EDARADD: variants seen among roughly 807,000 people sequenced by gnomAD.
EDARADD encodes the protein EDAR associated via death domain.
Under a neutral mutation model 25.6 loss-of-function variants are expected in EDARADD, and 20 were observed. The ratio of observed to expected loss-of-function variants is 0.78; its 90% CI spans 0.55 to 1.14. The LOEUF is 1.14. Ranked by LOEUF, EDARADD falls within the 50% of genes most tolerant of loss-of-function variation. EDARADD has a pLI of 0.00. For synonymous variants in EDARADD, 86 were observed against 94.4 expected (o/e 0.91, Z 0.52); for missense variants, 225 against 270.1 (o/e 0.83, Z 1.17).
chr1:236,467,754 C>T (rs1435625674), intron 4 of EDARADD, among the ~76,000 whole-genome samples: 1 of 151,580 alleles, frequency 6.6e-6, no homozygotes, highest in Non-Finnish European at 1.5e-5. Flanking sequence ...TTGTTGCATG[C>T]ATTGATACCC....
At chr1:236,376,862 C>T (rs1667231102) in intron 3 of EDARADD, among the ~76,000 whole-genome samples, 1 of 151,956 alleles carries the variant, frequency 6.6e-6, no homozygotes, top group Non-Finnish European at 1.5e-5. Flanking sequence ...TTTTTCCAAT[C>T]TTTTTTCTCT....
chr1:236,458,911 G>A (rs976771681), intron 4 of EDARADD, among the ~76,000 whole-genome samples: 4 of 151,814 alleles, frequency 2.6e-5, no homozygotes, highest in African/African-American at 9.7e-5. Flanking sequence ...CAAAATGCTG[G>A]GATTACAGCC....
At chr1:236,405,904 T>TCTTC (rs1667722420) in intron 1 of EDARADD, among the ~76,000 whole-genome samples, 1 of 50,750 alleles carries the variant, frequency 2.0e-5, no homozygotes, top group Non-Finnish European at 4.7e-5. Context: ...TTTCTTTCTT[T>TCTTC]CTTTCTTTCT....
chr1:236,391,731 G>C (rs944975175), upstream of EDARADD, among the ~76,000 whole-genome samples: 23 of 152,154 alleles, frequency 1.5e-4, no homozygotes, highest in Non-Finnish European at 2.9e-4. Flanking sequence ...CATGTATTCT[G>C]TGATGAATCA....
At chr1:236,472,799 A>G (rs1659392320) in intron 5 of EDARADD, among the ~76,000 whole-genome samples, 2 of 152,158 alleles carry the variant, frequency 1.3e-5, no homozygotes, top group South Asian at 4.1e-4. Flanking sequence ...GGAGAGTGAG[A>G]CAGGGGCTTA....
At chr1:236,478,352 T>TA (rs1659565340) in intron 5 of EDARADD, among the ~76,000 whole-genome samples, 2 of 128,364 alleles carry the variant, frequency 1.6e-5, no homozygotes, top group East Asian at 4.3e-4. Context: ...CCAAAATCCA[T>TA]ATATATATGT....
At chr1:236,415,633 C>T (rs1247936478) in intron 3 of EDARADD, among the ~76,000 whole-genome samples, 4 of 152,170 alleles carry the variant, frequency 2.6e-5, no homozygotes, top group South Asian at 2.1e-4. Flanking sequence ...TTAGTAGAGG[C>T]GGGGTTTCAC....
chr1:236,417,869 TTTTC>T (rs1657678983), intron 3 of EDARADD, among the ~76,000 whole-genome samples: 1 of 152,150 alleles, frequency 6.6e-6, no homozygotes, highest in South Asian at 2.1e-4. Context: ...GTCCCTGCTC[TTTTC>T]TTTGATTATT....
intron 2 of EDARADD, among the ~76,000 whole-genome samples, chr1:236,412,843 G>A (rs1213446958): frequency 6.6e-6 from 1 of 152,178 alleles, no homozygotes; most frequent in Non-Finnish European, 1.5e-5. Flanking sequence ...GTCTATCTGA[G>A]GAAATAGACA....
intron 3 of EDARADD, among the ~76,000 whole-genome samples, chr1:236,380,981 A>G (rs1322435726): frequency 6.6e-6 from 1 of 152,226 alleles, no homozygotes. Context: ...TGACATACAT[A>G]TAGGCCCATG....
intron 3 of EDARADD, among the ~76,000 whole-genome samples, chr1:236,379,336 C>T (rs12077924): frequency 0.17 from 25,933 of 151,980 alleles, 2,355 homozygotes; most frequent in South Asian, 0.26. Context: ...TGCCACTGCA[C>T]TCCAGCCTGG....
At chr1:236,457,150 T>C (rs1658891728) in intron 4 of EDARADD, among the ~76,000 whole-genome samples, 1 of 152,190 alleles carries the variant, frequency 6.6e-6, no homozygotes, top group Non-Finnish European at 1.5e-5. Flanking sequence ...TTTGATGTGG[T>C]CTGTTAATAC....
In EDARADD at chr1:236,468,304, G is replaced by A. The variant is rs1659271948; in HGVS notation, c.265+28G>A. The A allele has an allele frequency of 1.9e-6, 3 of 1,606,192 alleles. No homozygotes were observed. The East Asian group carries it at 6.7e-5, about 36-fold the overall frequency. On this transcript the variant is annotated intron_variant, in intron 5 of 5. Coordinates refer to ENST00000334232, the MANE Select transcript of EDARADD (RefSeq NM_145861.4). The stretch of plus-strand genomic sequence containing the variant: ...AAATGATTGATTCTAAAGCTATCTG[G>A]GCTAATAGCTAGTGTGGCTGAATAA...
At chr1:236,389,806 T>C (rs1667398781), upstream of EDARADD, among the ~76,000 whole-genome samples, 1 of 152,072 alleles carries the variant, frequency 6.6e-6, no homozygotes. Context: ...GTTCGAGACC[T>C]GCCTAGGTAA....
At chr1:236,400,498 G>A (rs1035653632) in intron 1 of EDARADD, among the ~76,000 whole-genome samples, 1 of 152,048 alleles carries the variant, frequency 6.6e-6, no homozygotes, top group Non-Finnish European at 1.5e-5. Context: ...GCACCACCAC[G>A]CAGCAGCACC....
intron 4 of EDARADD, among the ~76,000 whole-genome samples, chr1:236,453,752 G>C (rs968943605): frequency 3.3e-5 from 5 of 152,182 alleles, no homozygotes; most frequent in African/African-American, 1.2e-4. Context: ...ATCCAGGTTT[G>C]TGTAAGGGCA....
Position 236,359,267 on chromosome 1 carries a change from T to C in EDARADD, c.-6+8428T>C, listed in dbSNP as rs147619723. Among the ~76,000 whole-genome samples the C allele has an allele frequency of 5.8e-3, 877 of 152,332 alleles. 6 individuals carry two copies. The highest frequency in any genetic ancestry group is 0.014 in the Middle Eastern group (4 of 294). ...TCTGAATGTATCCCCCAAATTCCTA[T>C]ATTAAAAATGTAATTCCCAATGCAA... On this transcript the variant is annotated intron_variant, in intron 3 of 7. Transcript: ENST00000439430.
At chr1:236,474,541 C>G (rs542206781) in intron 5 of EDARADD, among the ~76,000 whole-genome samples, 5 of 152,124 alleles carry the variant, frequency 3.3e-5, no homozygotes, top group South Asian at 2.1e-4. Context: ...TTCAACAACC[C>G]TCTCCTCTCC....
At chr1:236,417,082 C>T (rs952275211) in intron 3 of EDARADD, among the ~76,000 whole-genome samples, 1 of 151,778 alleles carries the variant, frequency 6.6e-6, no homozygotes, top group Non-Finnish European at 1.5e-5. Flanking sequence ...CTGGGCTACA[C>T]CCCAGCCTGG....
Sources: allele counts gnomAD v4.1 joint callset (sites outside exome capture counted in the v4.1 genomes callset), GRCh38; gene constraint gnomAD v4.1.1; transcripts MANE v1.5; gene names NCBI Gene and HGNC (gene_info 2026-07-23, HGNC 2026-07-21).